Variants in AFAP1L1 observed in about 807,000 individuals in gnomAD.
The protein encoded by AFAP1L1 is actin filament-associated protein 1-like 1.
Under a neutral mutation model 99.8 loss-of-function variants are expected in AFAP1L1, and 77 were observed. The observed-to-expected ratio is 0.77, with a 90% CI of 0.64 to 0.93. The LOEUF is 0.93. AFAP1L1 is among the 40% of genes least tolerant of loss of function. AFAP1L1 has a pLI of 0.00. For missense variants in AFAP1L1, 893 were observed against 996.8 expected (o/e 0.90, Z 1.40); for synonymous variants, 373 against 395.3 (o/e 0.94, Z 0.67).
intron 6 of AFAP1L1, 102 bp from the exon 7 acceptor site, chr5:149,307,300 C>A: frequency 4.0e-6 from 5 of 1,250,598 alleles, no homozygotes; most frequent in South Asian, 1.3e-5. Context: ...AATGCCCATG[C>A]CTTCCTAGCC....
chr5:149,294,846 C>T (rs1755969334), intron 1 of AFAP1L1, among the ~76,000 whole-genome samples: 1 of 152,200 alleles, frequency 6.6e-6, no homozygotes, highest in Non-Finnish European at 1.5e-5. Context: ...CTCCTAGCCT[C>T]TGCTGCACTG....
chr5:149,294,002 C>T (rs1023109307), intron 1 of AFAP1L1, among the ~76,000 whole-genome samples: 2 of 152,220 alleles, frequency 1.3e-5, no homozygotes, highest in Non-Finnish European at 2.9e-5. Flanking sequence ...TATTTGTAAT[C>T]TTCAGGGGCT....
intron 1 of AFAP1L1, among the ~76,000 whole-genome samples, chr5:149,295,978 G>A (rs191351701): frequency 6.6e-6 from 1 of 152,318 alleles, no homozygotes; most frequent in Non-Finnish European, 1.5e-5. Flanking sequence ...CAGTTTTAAT[G>A]TTAATGCAAT....
chr5:149,319,464 C>G, intron 12 of AFAP1L1, 118 bp from the exon 13 acceptor site: 1 of 1,183,152 alleles, frequency 8.5e-7, no homozygotes, highest in Non-Finnish European at 1.2e-6. Flanking sequence ...CTCTTTGACC[C>G]GAGTATCGGG....
Position 149,307,788 on chromosome 5 carries a change from A to AAC in AFAP1L1, c.747+190_747+191dup, listed in dbSNP as rs146496937. On this transcript the variant is annotated intron_variant, in intron 7 of 18. Coordinates refer to ENST00000296721, the MANE Select transcript of AFAP1L1 (RefSeq NM_152406.4). ...ACTTTCCCCACTGGAGCAGAATTTA[A>AAC]ACACACACACACACACCCTGTGCCT... is the stretch of plus-strand genomic sequence containing the variant. Among the ~76,000 whole-genome samples, 232 of 92,956 alleles carry AAC rather than the reference A, an allele frequency of 2.5e-3. 2 individuals carry two copies. Among genetic ancestry groups the AAC allele is most frequent in the African/African-American group, 8.2e-3 (205 of 25,138 alleles). 61.0% of individuals were successfully genotyped at this position (92,956 alleles called of 152,430 possible).
At chr5:149,329,569 G>A in intron 15 of AFAP1L1, 97 bp from the exon 16 acceptor site, 4 of 1,207,694 alleles carry the variant, frequency 3.3e-6, no homozygotes, top group Non-Finnish European at 4.6e-6. Context: ...CCATTTCATA[G>A]ATGGAGAAGT....
intron 1 of AFAP1L1, among the ~76,000 whole-genome samples, chr5:149,288,857 C>T (rs1167990882): frequency 6.6e-6 from 1 of 152,150 alleles, no homozygotes; most frequent in African/African-American, 2.4e-5. Flanking sequence ...GGACAAGAAC[C>T]TGGGCAGAGC....
chr5:149,316,081 G>A (rs758333787), intron 10 of AFAP1L1, 70 bp from the exon 11 acceptor site: 5 of 1,590,194 alleles, frequency 3.1e-6, no homozygotes, highest in Admixed American at 1.7e-5. Context: ...GGCTGAAAAG[G>A]CCACAAGGAA....
At chr5:149,313,075 G>A (rs889534605) in intron 9 of AFAP1L1, among the ~76,000 whole-genome samples, 14 of 149,436 alleles carry the variant, frequency 9.4e-5, no homozygotes, top group African/African-American at 2.5e-4. Context: ...GTGGTGAGCC[G>A]AGATTGTGCC....
Position 149,335,578 on chromosome 5 carries a change from T to G in AFAP1L1, c.2155-16T>G, listed in dbSNP as rs768636300. On this transcript the variant is annotated splice_polypyrimidine_tract_variant and intron_variant, in intron 17 of 18. Transcript: ENST00000296721. The stretch of plus-strand genomic sequence containing the variant: ...CACCAGATCTCACCTATATAATTAT[T>G]TATTGCCATCAACAGGAAACTGCAA... 5 of 1,611,728 alleles carry G rather than the reference T, an allele frequency of 3.1e-6. No homozygotes were observed. The highest frequency in any genetic ancestry group is 4.2e-6 in the Non-Finnish European group (5 of 1,179,822).
Position 149,340,161 on chromosome 5 carries a change from A to T in AFAP1L1, c.*131A>T, listed in dbSNP as rs1233670399. 1.0e-6 allele frequency: 1 copy of T among 995,518 alleles called. No individual in the cohort carries two copies. The highest frequency in any genetic ancestry group is 1.6e-5 in the African/African-American group (1 of 61,426). The allele number at this position is 995,518 out of a possible 1,614,324, so 61.7% of individuals were successfully genotyped here. ...CGTTCTCCAGGGCACCCAAAATACC[A>T]GCCTTTATTGTCTGCATGATTTTAG... On this transcript the variant is annotated 3_prime_UTR_variant, in exon 19 of 19. Coordinates refer to ENST00000296721, the MANE Select transcript of AFAP1L1 (RefSeq NM_152406.4).
chr5:149,300,280 T>C lies in AFAP1L1; in HGVS notation c.155T>C (p.Val52Ala). The part of the protein sequence containing the change: ...QSLQPLPAKE[V>A]SYLYVNTADL... ...CCCTTCTTCCTCACAGCAAAGGAGG[T>C]CTCCTACCTGTATGTGAACACAGCA... is the stretch of plus-strand genomic sequence containing the variant. Residue 52 changes from valine (V) to alanine (A), a missense_variant, in exon 3 of 19, where the codon GTC becomes GCC. Transcript: ENST00000296721. The C allele has an allele frequency of 6.2e-7, 1 of 1,612,016 alleles. No individual in the cohort carries two copies. Among genetic ancestry groups the C allele is most frequent in the Non-Finnish European group, 8.5e-7 (1 of 1,179,136 alleles).
In AFAP1L1 at chr5:149,322,591, TC is replaced by T. The variant is rs1188631661; in HGVS notation, c.1699-13del. ...GCCTGCCTGAACTTGACTGTCTTCC[TC>T]CATCTCCCACCAGGACGAGGAGCCC... On this transcript the variant is annotated splice_polypyrimidine_tract_variant and intron_variant, in intron 14 of 18. Transcript: ENST00000296721. 1.9e-6 allele frequency: 3 copies of T among 1,555,238 alleles called. No homozygotes were observed. The African/African-American group carries it at 4.1e-5, about 21-fold the overall frequency.
chr5:149,325,983 A>C (rs1392551460), intron 15 of AFAP1L1, among the ~76,000 whole-genome samples: 2 of 152,174 alleles, frequency 1.3e-5, no homozygotes, highest in Non-Finnish European at 2.9e-5. Flanking sequence ...GGGTACGAAC[A>C]TTCAAACCAC....
At chr5:149,333,076 G>T (rs1348997134) in intron 17 of AFAP1L1, among the ~76,000 whole-genome samples, 1 of 152,202 alleles carries the variant, frequency 6.6e-6, no homozygotes, top group African/African-American at 2.4e-5. Flanking sequence ...TTGGTTTCTG[G>T]CCTGTTCTTG....
At chr5:149,311,867 C>T (rs1756639611) in intron 8 of AFAP1L1, among the ~76,000 whole-genome samples, 1 of 152,208 alleles carries the variant, frequency 6.6e-6, no homozygotes, top group African/African-American at 2.4e-5. Context: ...CAAGACCACA[C>T]AACTAATTAG....
chr5:149,324,069 AG>A (rs1306595012), intron 15 of AFAP1L1, among the ~76,000 whole-genome samples: 2 of 152,232 alleles, frequency 1.3e-5, no homozygotes, highest in Non-Finnish European at 2.9e-5. Context: ...TGGGGTCATA[AG>A]CTTCCTTGAA....
intron 4 of AFAP1L1, 83 bp from the exon 5 acceptor site, chr5:149,302,335 G>T (rs1756249551): frequency 5.3e-6 from 5 of 948,196 alleles, no homozygotes; most frequent in African/African-American, 3.3e-5. Flanking sequence ...CCTGCCTTCT[G>T]CGAGCTCCTG....
At chr5:149,280,263 A>G (rs1041978070) in intron 1 of AFAP1L1, among the ~76,000 whole-genome samples, 8 of 152,166 alleles carry the variant, frequency 5.3e-5, no homozygotes, top group African/African-American at 1.7e-4. Flanking sequence ...ATTGGGAAAT[A>G]TATCTTGGAT....
Sources: gnomAD v4.1 joint callset for allele counts (sites outside exome capture counted in the v4.1 genomes callset) on GRCh38, gnomAD v4.1.1 for gene constraint, MANE v1.5 for transcripts, NCBI Gene and HGNC (gene_info 2026-07-23, HGNC 2026-07-21) for gene names.